The following ST6GALNAC3 variants were observed in gnomAD, a reference collection of about 807,000 sequenced individuals.
The protein encoded by ST6GALNAC3 is ST6 N-acetylgalactosaminide alpha-2,6-sialyltransferase 3.
Under a neutral mutation model 32.7 loss-of-function variants are expected in ST6GALNAC3, and 25 were observed. The observed-to-expected ratio is 0.76, with a 90% CI of 0.56 to 1.07. ST6GALNAC3 has a LOEUF of 1.07. ST6GALNAC3 is among the 50% of genes least tolerant of loss of function. The pLI, the probability that ST6GALNAC3 is intolerant of heterozygous loss-of-function variation, is 0.00. For synonymous variants in ST6GALNAC3, 129 were observed against 133.1 expected (o/e 0.97, Z 0.21); for missense variants, 355 against 382.4 (o/e 0.93, Z 0.60).
At chr1:76,543,383 T>G (rs994967470) in intron 3 of ST6GALNAC3, among the ~76,000 whole-genome samples, 1 of 152,228 alleles carries the variant, frequency 6.6e-6, no homozygotes, top group African/African-American at 2.4e-5. Context: ...GGATCTTGTC[T>G]TTCTAATTAA....
Position 76,336,962 on chromosome 1 carries a change from C to T in ST6GALNAC3, c.213+22963C>T, listed in dbSNP as rs1359466. Among the ~76,000 whole-genome samples, 1,509 of 152,320 alleles carry T rather than the reference C, an allele frequency of 9.9e-3. 29 individuals are homozygous for T. Among genetic ancestry groups the T allele is most frequent in the African/African-American group, 0.035 (1,446 of 41,570 alleles). On this transcript the variant is annotated intron_variant, in intron 2 of 4. Coordinates refer to ENST00000328299, the MANE Select transcript of ST6GALNAC3 (RefSeq NM_152996.4). The stretch of plus-strand genomic sequence containing the variant: ...CAGCTGCATTTGCAAGTAGCCAGGA[C>T]TTCCTCCAGATGACATATTGCGCTG...
At chr1:76,268,802 G>T (rs1159921216) in intron 1 of ST6GALNAC3, among the ~76,000 whole-genome samples, 1 of 152,164 alleles carries the variant, frequency 6.6e-6, no homozygotes, top group Non-Finnish European at 1.5e-5. Flanking sequence ...CTGATGGAGT[G>T]CTCTGCCTAA....
At chr1:76,101,126 G>A (rs1455542150) in intron 1 of ST6GALNAC3, among the ~76,000 whole-genome samples, 1 of 152,056 alleles carries the variant, frequency 6.6e-6, no homozygotes, top group Non-Finnish European at 1.5e-5. Context: ...CAGAATAGTG[G>A]TACTGCCCTA....
chr1:76,433,502 A>G (rs550603864), intron 3 of ST6GALNAC3, among the ~76,000 whole-genome samples: 153 of 152,326 alleles, frequency 1.0e-3, no homozygotes, highest in African/African-American at 3.6e-3. Flanking sequence ...ACATAATAAG[A>G]AAGAAAAAGC....
chr1:76,278,465 C>T (rs1056397860), intron 1 of ST6GALNAC3, among the ~76,000 whole-genome samples: 1 of 151,288 alleles, frequency 6.6e-6, no homozygotes, highest in Non-Finnish European at 1.5e-5. Context: ...TGGTGATCCG[C>T]CCATCTCGGC....
intron 3 of ST6GALNAC3, among the ~76,000 whole-genome samples, chr1:76,451,670 T>C (rs965635683): frequency 7.9e-5 from 12 of 152,234 alleles, no homozygotes; most frequent in African/African-American, 2.9e-4. Context: ...TATTTATTTA[T>C]TTGAAGCTAT....
intron 1 of ST6GALNAC3, among the ~76,000 whole-genome samples, chr1:76,109,271 A>G (rs186332270): frequency 7.9e-5 from 12 of 152,122 alleles, no homozygotes; most frequent in Admixed American, 1.3e-4. Flanking sequence ...CACTCTCCCT[A>G]CTTCCTCCCC....
At chr1:76,185,379 G>A (rs1653486474) in intron 1 of ST6GALNAC3, among the ~76,000 whole-genome samples, 1 of 152,132 alleles carries the variant, frequency 6.6e-6, no homozygotes, top group South Asian at 2.1e-4. Context: ...TATGTTTAAT[G>A]TGACATAATA....
intron 2 of ST6GALNAC3, among the ~76,000 whole-genome samples, chr1:76,341,652 T>TCTTTCTTC (rs1648016498): frequency 6.9e-6 from 1 of 145,492 alleles, no homozygotes. Context: ...TTTCTTTCTT[T>TCTTTCTTC]CTTTCTTTCT....
At chr1:76,628,004 T>C (rs1032261732) in intron 4 of ST6GALNAC3, among the ~76,000 whole-genome samples, 2 of 151,968 alleles carry the variant, frequency 1.3e-5, no homozygotes, top group African/African-American at 4.8e-5. Flanking sequence ...CTGGAAATTA[T>C]ACTTCACTAG....
chr1:76,293,900 C>A (rs1402566099), intron 1 of ST6GALNAC3, among the ~76,000 whole-genome samples: 1 of 151,944 alleles, frequency 6.6e-6, no homozygotes, highest in African/African-American at 2.4e-5. Context: ...TATGCACGTG[C>A]TTTATATCAT....
At chr1:76,489,906 C>T (rs1429648995) in intron 3 of ST6GALNAC3, among the ~76,000 whole-genome samples, 1 of 152,140 alleles carries the variant, frequency 6.6e-6, no homozygotes, top group Non-Finnish European at 1.5e-5. Flanking sequence ...CAGAGATCCC[C>T]CGACAGGCCA....
intron 1 of ST6GALNAC3, among the ~76,000 whole-genome samples, chr1:76,238,798 C>G (rs1656803514): frequency 6.6e-6 from 1 of 152,096 alleles, no homozygotes; most frequent in Non-Finnish European, 1.5e-5. Context: ...GGAAATATCA[C>G]ATGCAAATAT....
chr1:76,636,557 T>G (rs188885595), downstream of ST6GALNAC3, among the ~76,000 whole-genome samples: 1 of 152,310 alleles, frequency 6.6e-6, no homozygotes, highest in African/African-American at 2.4e-5. Context: ...TTAAAAAGAC[T>G]AGACACACCA....
intron 2 of ST6GALNAC3, among the ~76,000 whole-genome samples, chr1:76,397,155 C>G (rs2209459): frequency 0.63 from 96,144 of 151,822 alleles, 31,228 homozygotes; most frequent in South Asian, 0.82. Context: ...GACTCCAAAG[C>G]AAATATAAAT....
At chr1:76,438,757 T>C (rs1656345219) in intron 3 of ST6GALNAC3, among the ~76,000 whole-genome samples, 2 of 152,162 alleles carry the variant, frequency 1.3e-5, no homozygotes, top group African/African-American at 4.8e-5. Flanking sequence ...TGCTCAGAAA[T>C]GGCACCTCCT....
intron 3 of ST6GALNAC3, among the ~76,000 whole-genome samples, chr1:76,490,789 C>G (rs1308797621): frequency 1.3e-5 from 2 of 152,020 alleles, no homozygotes; most frequent in African/African-American, 4.8e-5. Flanking sequence ...TACACCTACT[C>G]CCCGTCTTCC....
At chr1:76,536,930 G>A (rs1449154452) in intron 3 of ST6GALNAC3, among the ~76,000 whole-genome samples, 1 of 152,076 alleles carries the variant, frequency 6.6e-6, no homozygotes, top group Admixed American at 6.6e-5. Context: ...ACAGATCAAC[G>A]AGTCAGAAAA....
chr1:76,292,985 C>T (rs907495224), intron 1 of ST6GALNAC3, among the ~76,000 whole-genome samples: 14 of 152,144 alleles, frequency 9.2e-5, no homozygotes, highest in African/African-American at 3.4e-4. Flanking sequence ...TTAATCACTC[C>T]TCAAGTCTTC....
Sources: allele counts gnomAD v4.1 joint callset (sites outside exome capture counted in the v4.1 genomes callset), GRCh38; gene constraint gnomAD v4.1.1; transcripts MANE v1.5; gene names NCBI Gene and HGNC (gene_info 2026-07-23, HGNC 2026-07-21).